Variants in CNTNAP2 observed in about 807,000 individuals in gnomAD.
The protein encoded by CNTNAP2 is contactin associated protein 2, also known as contactin-associated protein-like 2.
A neutral mutation model predicts 155.2 loss-of-function variants in CNTNAP2; 98 were observed. The observed-to-expected ratio is 0.63, with a 90% confidence interval of 0.54 to 0.75. CNTNAP2 has a LOEUF of 0.75. Among genes scored for constraint, CNTNAP2 ranks in the 30% least tolerant of loss-of-function variants. The pLI is 0.00. For synonymous variants in CNTNAP2, 651 were observed against 631.2 expected, an observed-to-expected ratio of 1.03 and a Z score of -0.47; for missense variants, 1,727 against 1,688.1, an observed-to-expected ratio of 1.02 and a Z score of -0.40.
intron 1 of CNTNAP2, among the ~76,000 whole-genome samples, chr7:146,550,146 A>G (rs1367127518): frequency 6.6e-6 from 1 of 151,984 alleles, no homozygotes; most frequent in Non-Finnish European, 1.5e-5. Flanking sequence ...TAGATTTGAT[A>G]ATTGTGTTAT....
At position 148,418,708 on chromosome 7, in the gene CNTNAP2, T is replaced by C. The variant is rs988092217; in HGVS notation, c.*3092T>C. 5 of 152,198 alleles carry C rather than the reference T, an allele frequency of 3.3e-5. No homozygotes were observed. The highest frequency in any genetic ancestry group is 1.5e-5 in the Non-Finnish European group (1 of 68,028). 9.4% of individuals were successfully genotyped at this position (152,198 alleles called of 1,614,324 possible). The stretch of plus-strand genomic sequence containing the variant: ...GCCCTTCTTAATATTTAAAAATGTA[T>C]TTCCCCTTGTGGCTTTCAACCACCT... On this transcript the variant is annotated 3_prime_UTR_variant, in exon 24 of 24. Transcript: ENST00000361727.
chr7:146,903,962 T>C (rs899099097), intron 3 of CNTNAP2, among the ~76,000 whole-genome samples: 1 of 152,222 alleles, frequency 6.6e-6, no homozygotes, highest in Non-Finnish European at 1.5e-5. Flanking sequence ...AAACATCACA[T>C]TGTACACCGT....
At chr7:148,236,200 T>A (rs1454578025) in intron 20 of CNTNAP2, among the ~76,000 whole-genome samples, 1 of 152,144 alleles carries the variant, frequency 6.6e-6, no homozygotes, top group Non-Finnish European at 1.5e-5. Context: ...TTAGACTTAC[T>A]CAATCATTTG....
intron 3 of CNTNAP2, among the ~76,000 whole-genome samples, chr7:147,042,397 A>G (rs1187868911): frequency 6.6e-6 from 1 of 152,178 alleles, no homozygotes; most frequent in Non-Finnish European, 1.5e-5. Flanking sequence ...TCTCATAATT[A>G]CTAGGCCTTA....
intron 4 of CNTNAP2, among the ~76,000 whole-genome samples, chr7:147,045,632 T>C (rs1799342269): frequency 1.3e-5 from 2 of 152,150 alleles, no homozygotes; most frequent in African/African-American, 4.8e-5. Context: ...AGGTCTAACA[T>C]AAATTAGAAT....
chr7:146,758,416 T>G (rs1374636315), intron 1 of CNTNAP2, among the ~76,000 whole-genome samples: 2 of 152,186 alleles, frequency 1.3e-5, no homozygotes, highest in African/African-American at 4.8e-5. Flanking sequence ...GGGTGAGGCT[T>G]TGATCTCCTG....
At chr7:147,331,671 T>C (rs1795572517) in intron 9 of CNTNAP2, among the ~76,000 whole-genome samples, 1 of 152,062 alleles carries the variant, frequency 6.6e-6, no homozygotes, top group African/African-American at 2.4e-5. Context: ...ACGGAGTCTA[T>C]AGAAGCCACC....
intron 7 of CNTNAP2, among the ~76,000 whole-genome samples, chr7:147,131,744 A>G (rs1801377255): frequency 6.6e-6 from 1 of 152,126 alleles, no homozygotes; most frequent in African/African-American, 2.4e-5. Context: ...AAATCCAAAT[A>G]TATTTCCCTA....
In CNTNAP2 at chr7:146,759,423, G is replaced by A. The variant is rs532798700; in HGVS notation, c.98-14848G>A. 6.6e-5 allele frequency among the ~76,000 whole-genome samples: 10 copies of A among 152,126 alleles called. No individual in the cohort carries two copies. In the South Asian group the frequency reaches 1.2e-3, roughly 19 times the overall value. On this transcript the variant is annotated intron_variant, in intron 1 of 23. Transcript: ENST00000361727. ...TTTAAAAAATGGTTAGGCCGGGCAC[G>A]GTGGCTCACGCCTGTAATCCCAACA...
At chr7:148,298,875 T>G (rs947200242) in intron 21 of CNTNAP2, among the ~76,000 whole-genome samples, 27 of 151,986 alleles carry the variant, frequency 1.8e-4, no homozygotes, top group Admixed American at 1.8e-3. Flanking sequence ...ATTTTTGTAT[T>G]TTTTGTAAAG....
intron 1 of CNTNAP2, among the ~76,000 whole-genome samples, chr7:146,473,468 A>G (rs1269145246): frequency 6.6e-6 from 1 of 151,874 alleles, no homozygotes; most frequent in East Asian, 1.9e-4. Flanking sequence ...GCCCACTTCT[A>G]TCTTTCCTGT....
intron 1 of CNTNAP2, among the ~76,000 whole-genome samples, chr7:146,707,952 G>T (rs1275732507): frequency 6.6e-6 from 1 of 151,946 alleles, no homozygotes; most frequent in African/African-American, 2.4e-5. Context: ...CGACATTTTT[G>T]ATTATGTATG....
chr7:147,915,429 G>A (rs1362767188), intron 14 of CNTNAP2, among the ~76,000 whole-genome samples: 3 of 152,264 alleles, frequency 2.0e-5, no homozygotes, highest in African/African-American at 7.2e-5. Flanking sequence ...ATACTCAGTG[G>A]TCTTATTCGT....
chr7:147,780,997 C>A (rs1797653697), intron 13 of CNTNAP2, among the ~76,000 whole-genome samples: 1 of 152,174 alleles, frequency 6.6e-6, no homozygotes, highest in African/African-American at 2.4e-5. Context: ...ATATCACTTT[C>A]TGGGACAAAT....
chr7:146,372,385 A>T (rs186693334), intron 1 of CNTNAP2, among the ~76,000 whole-genome samples: 3 of 152,166 alleles, frequency 2.0e-5, no homozygotes, highest in Non-Finnish European at 4.4e-5. Context: ...ATAACAAACC[A>T]AAAAGAGATA....
At chr7:147,019,321 C>T (rs1318819736) in intron 3 of CNTNAP2, among the ~76,000 whole-genome samples, 1 of 152,004 alleles carries the variant, frequency 6.6e-6, no homozygotes, top group Non-Finnish European at 1.5e-5. Flanking sequence ...CGCTTTAACA[C>T]TCAATAAATG....
chr7:146,297,775 G>A (rs762112754), intron 1 of CNTNAP2, among the ~76,000 whole-genome samples: 1 of 152,032 alleles, frequency 6.6e-6, no homozygotes, highest in Non-Finnish European at 1.5e-5. Context: ...CTATAAATAA[G>A]CACATTCTTT....
At chr7:147,516,343 C>A (rs971464459) in intron 11 of CNTNAP2, among the ~76,000 whole-genome samples, 17 of 151,906 alleles carry the variant, frequency 1.1e-4, no homozygotes, top group Non-Finnish European at 7.4e-5. Context: ...TTAATTTTTT[C>A]AATTAAAAAA....
chr7:148,322,797 G>GTTTT lies in CNTNAP2; in HGVS notation c.3475+55682_3475+55685dup, dbSNP rs71899726. Among the ~76,000 whole-genome samples, 1,001 of 135,464 alleles carry GTTTT rather than the reference G, an allele frequency of 7.4e-3. 9 individuals carry two copies. Among genetic ancestry groups the GTTTT allele is most frequent in the African/African-American group, 0.025 (888 of 35,934 alleles). The allele number at this position is 135,464 out of a possible 152,430, so 88.9% of individuals were successfully genotyped here. On this transcript the variant is annotated intron_variant, in intron 21 of 23. Transcript: ENST00000361727. ...TTGTTTTGTTTTGTTGTTTTTTGGG[G>GTTTT]TTTTTTTTTTTTTTCAAATTTTTTC...
Sources: allele counts gnomAD v4.1 joint callset (sites outside exome capture counted in the v4.1 genomes callset), GRCh38; gene constraint gnomAD v4.1.1; transcripts MANE v1.5; gene names NCBI Gene and HGNC (gene_info 2026-07-23, HGNC 2026-07-21).